UGDH: variants seen among roughly 807,000 people sequenced by gnomAD.
UGDH encodes UDP-glucose 6-dehydrogenase.
In UGDH, 38 loss-of-function variants were observed where a neutral mutation model predicts 50.6. The ratio of observed to expected loss-of-function variants is 0.75; its 90% confidence interval spans 0.58 to 0.98. The LOEUF (loss-of-function observed/expected upper bound fraction) is 0.98. UGDH is among the 50% of genes least tolerant of loss of function. The probability of loss-of-function intolerance (pLI) is 0.00; values close to 1 mark genes in which losing one functional copy is unlikely to be tolerated. For synonymous variants in UGDH, 168 were observed against 199.9 expected, an observed-to-expected ratio of 0.84 and a Z score of 1.35; for missense variants, 465 against 606.2, an observed-to-expected ratio of 0.77 and a Z score of 2.45.
chr4:39,517,917 C>T (rs77896313), intron 2 of UGDH, among the ~76,000 whole-genome samples: 11,193 of 151,972 alleles, frequency 0.074, 470 homozygotes, highest in Middle Eastern at 0.16. Context: ...ATTCATGTAG[C>T]CATTCTTTTT....
At chr4:39,515,010 T>G (rs972852418) in intron 2 of UGDH, among the ~76,000 whole-genome samples, 3 of 152,070 alleles carry the variant, frequency 2.0e-5, no homozygotes, top group African/African-American at 7.2e-5. Context: ...AGGGTTTCGC[T>G]CTGTTCCCCA....
intron 2 of UGDH, among the ~76,000 whole-genome samples, chr4:39,519,734 T>C (rs1746575308): frequency 6.6e-6 from 1 of 151,800 alleles, no homozygotes; most frequent in Admixed American, 6.6e-5. Flanking sequence ...GAGACGGGCT[T>C]TCACCATGTT....
intron 1 of UGDH, among the ~76,000 whole-genome samples, chr4:39,521,934 A>T (rs1305200210): frequency 6.6e-6 from 1 of 152,240 alleles, no homozygotes; most frequent in Non-Finnish European, 1.5e-5. Flanking sequence ...GTGTACAAAG[A>T]TGAGTTTATA....
chr4:39,525,509 T>C (rs369181069), intron 1 of UGDH, among the ~76,000 whole-genome samples: 2 of 97,896 alleles, frequency 2.0e-5, no homozygotes, highest in South Asian at 6.8e-4. Flanking sequence ...TTCTTTTCTT[T>C]TTCTTTTTTT....
At chr4:39,507,560 TCCCGAAGTA>T (rs1340611152) in intron 7 of UGDH, among the ~76,000 whole-genome samples, 2 of 152,120 alleles carry the variant, frequency 1.3e-5, no homozygotes, top group Non-Finnish European at 2.9e-5. Context: ...CACCTCAGGC[TCCCGAAGTA>T]CAGGGATTAC....
chr4:39,513,459 C>T (rs890278695), intron 3 of UGDH, among the ~76,000 whole-genome samples: 1 of 147,906 alleles, frequency 6.8e-6, no homozygotes, highest in African/African-American at 2.5e-5. Context: ...CCACTGGAAA[C>T]AAGAAATAAT....
At chr4:39,513,384 A>C (rs971555193) in intron 3 of UGDH, among the ~76,000 whole-genome samples, 2 of 152,098 alleles carry the variant, frequency 1.3e-5, no homozygotes, top group Non-Finnish European at 2.9e-5. Flanking sequence ...ATTAATGTAA[A>C]ATTCATTTAG....
intron 1 of UGDH, 98 bp downstream of exon 1, chr4:39,527,185 G>A (rs1746941214): frequency 8.2e-7 from 1 of 1,225,552 alleles, no homozygotes; most frequent in Non-Finnish European, 1.1e-6. Context: ...GAGCGACCGG[G>A]AGCAGCGCGC....
chr4:39,524,256 C>G (rs957012730), intron 1 of UGDH, among the ~76,000 whole-genome samples: 3 of 152,138 alleles, frequency 2.0e-5, no homozygotes, highest in African/African-American at 7.2e-5. Context: ...AGTGTCTACT[C>G]GTTGCAGCTC....
chr4:39,508,008 G>A (rs1296458989), intron 7 of UGDH, among the ~76,000 whole-genome samples: 1 of 151,240 alleles, frequency 6.6e-6, no homozygotes, highest in Non-Finnish European at 1.5e-5. Flanking sequence ...TTTTACTCTG[G>A]GAGCAAATTA....
At chr4:39,500,483 C>G (rs1441814331) in intron 11 of UGDH, among the ~76,000 whole-genome samples, 4 of 152,108 alleles carry the variant, frequency 2.6e-5, no homozygotes, top group Non-Finnish European at 4.4e-5. Context: ...TCCTGCCATT[C>G]CCCACACCTG....
chr4:39,525,767 C>G (rs1338429321), intron 1 of UGDH, among the ~76,000 whole-genome samples: 2 of 152,200 alleles, frequency 1.3e-5, no homozygotes, highest in African/African-American at 4.8e-5. Flanking sequence ...TCTCGGCCTC[C>G]CAAAGTGCTG....
chr4:39,508,768 A>G, intron 6 of UGDH, 108 bp from the exon 7 acceptor site: 1 of 943,200 alleles, frequency 1.1e-6, no homozygotes, highest in East Asian at 3.1e-5. Flanking sequence ...AGATTTTTTA[A>G]TAATAAAATT....
At chr4:39,527,074 G>C in intron 1 of UGDH, 1 of 1,289,426 alleles carries the variant, frequency 7.8e-7, no homozygotes, top group African/African-American at 1.5e-5. Flanking sequence ...AAGAAGCCCA[G>C]ACGACCACAT....
chr4:39,498,835 C>T lies in UGDH; in HGVS notation c.*1308G>A, dbSNP rs1164402301. On this transcript the variant is annotated 3_prime_UTR_variant, in exon 12 of 12. Transcript: ENST00000316423. ...TGTCCTCATCTTTATATTTGTCTCC[C>T]TCTTCTCATTGAACTGCAAAATTCC... 8 of 152,280 alleles carry T rather than the reference C, an allele frequency of 5.3e-5. No individual in the cohort carries two copies. In the East Asian group the frequency reaches 1.3e-3, roughly 26 times the overall value. The allele number at this position is 152,280 out of a possible 1,614,324, so 9.4% of individuals were successfully genotyped here.
In UGDH at chr4:39,510,398, T is replaced by C. The variant is rs1475116344; in HGVS notation, c.618A>G (p.Glu206=). 6.2e-7 allele frequency: 1 copy of C among 1,614,190 alleles called. No individual in the cohort carries two copies. The highest frequency in any genetic ancestry group is 1.6e-4 in the Middle Eastern group (1 of 6,062). The part of the protein sequence containing the change: ...CAVYEHWVPR[E]KILTTNTWSS... ...ACCAAGTATTAGTGGTGAGGATCTT[T>C]TCTCTGGGAACCCAGTGCTCATATA... Residue 206 remains glutamate, a synonymous_variant, in exon 5 of 12, where the codon GAA becomes GAG. Coordinates refer to ENST00000316423, the MANE Select transcript of UGDH (RefSeq NM_003359.4).
At chr4:39,525,443 C>T (rs1746837088) in intron 1 of UGDH, among the ~76,000 whole-genome samples, 1 of 152,168 alleles carries the variant, frequency 6.6e-6, no homozygotes, top group Admixed American at 6.5e-5. Context: ...ATCCATCCAC[C>T]TTGGCCTCCC....
At chr4:39,500,301 G>T in intron 11 of UGDH, 48 bp from the exon 12 acceptor site, 2 of 1,236,528 alleles carry the variant, frequency 1.6e-6, no homozygotes, top group Non-Finnish European at 2.3e-6. Flanking sequence ...TTATATAAGT[G>T]TAAGAATTTA....
Position 39,504,477 on chromosome 4 carries a change from T to A in UGDH, c.1203A>T (p.Pro401=), listed in dbSNP as rs1745951972. 1.2e-6 allele frequency: 2 copies of A among 1,613,964 alleles called. No homozygotes were observed. Among genetic ancestry groups the A allele is most frequent in the Non-Finnish European group, 1.7e-6 (2 of 1,180,006 alleles). ...VSRLVTISKD[P]YEACDGAHAV... is the part of the protein sequence containing the mutation. ...CATGGGCACCATCACATGCTTCATA[T>A]GGATCCTTGGAAATGGTCACGAGCC... Residue 401 remains proline, a synonymous_variant, in exon 10 of 12, where the codon CCA becomes CCT. Transcript: ENST00000316423.
Sources: allele counts gnomAD v4.1 joint callset (sites outside exome capture counted in the v4.1 genomes callset), GRCh38; gene constraint gnomAD v4.1.1; transcripts MANE v1.5; gene names NCBI Gene and HGNC (gene_info 2026-07-23, HGNC 2026-07-21).